CDH22: variants seen among roughly 807,000 people sequenced by gnomAD.
CDH22 encodes cadherin 22.
A neutral mutation model predicts 58.4 loss-of-function variants in CDH22; 30 were observed. The observed-to-expected ratio is 0.51, with a 90% CI of 0.38 to 0.70. CDH22 has a LOEUF of 0.70. Ranked by LOEUF, CDH22 falls within the 30% of genes least tolerant of loss-of-function variation. CDH22 has a pLI of 0.00. For synonymous variants in CDH22, 513 were observed against 558.2 expected (o/e 0.92, Z 1.14); for missense variants, 1,014 against 1,233.9 (o/e 0.82, Z 2.67).
At chr20:46,294,285 G>T (rs1178524114) in intron 1 of CDH22, among the ~76,000 whole-genome samples, 2 of 152,128 alleles carry the variant, frequency 1.3e-5, no homozygotes, top group Non-Finnish European at 2.9e-5. Context: ...AAACGAAGTG[G>T]GTTCTGTTCT....
At chr20:46,237,583 T>C (rs2086262206) in intron 3 of CDH22, among the ~76,000 whole-genome samples, 1 of 152,218 alleles carries the variant, frequency 6.6e-6, no homozygotes, top group Non-Finnish European at 1.5e-5. Flanking sequence ...AATAAACTAA[T>C]TTAATTTCTG....
At chr20:46,178,255 C>T (rs970139847) in intron 10 of CDH22, 58 bp from the exon 11 acceptor site, 47 of 1,569,568 alleles carry the variant, frequency 3.0e-5, no homozygotes, top group Non-Finnish European at 3.6e-5. Context: ...CATCCTTGTC[C>T]TAGCCACCTC....
At chr20:46,197,215 T>C (rs904738935) in intron 8 of CDH22, among the ~76,000 whole-genome samples, 5 of 151,976 alleles carry the variant, frequency 3.3e-5, no homozygotes, top group Admixed American at 1.3e-4. Context: ...AAGCCTCAAT[T>C]TTCCCATCAG....
At chr20:46,295,511 C>T (rs187170133) in intron 1 of CDH22, among the ~76,000 whole-genome samples, 36 of 152,292 alleles carry the variant, frequency 2.4e-4, no homozygotes, top group Admixed American at 6.5e-4. Flanking sequence ...AAGCCTGTAA[C>T]GCAGCTACTG....
chr20:46,272,558 C>A (rs939275454), intron 1 of CDH22, among the ~76,000 whole-genome samples: 1 of 152,146 alleles, frequency 6.6e-6, no homozygotes, highest in African/African-American at 2.4e-5. Context: ...GAAGGAAGCA[C>A]GATGACTGAG....
chr20:46,265,135 G>A lies in CDH22; in HGVS notation c.-399-13442C>T, dbSNP rs1274682867. Among the ~76,000 whole-genome samples, 3 of 152,192 alleles carry A rather than the reference G, an allele frequency of 2.0e-5. No homozygotes were observed. The East Asian group carries it at 5.8e-4, about 29-fold the overall frequency. ...TGCTGTTTTACACCGCGCCCTGTCA[G>A]AACTCACTGCAGCCCAGTGATCAGG... On this transcript the variant is annotated intron_variant, in intron 1 of 11. Transcript: ENST00000537909.
intron 8 of CDH22, among the ~76,000 whole-genome samples, chr20:46,193,796 C>T (rs1464512711): frequency 6.6e-6 from 1 of 152,106 alleles, no homozygotes; most frequent in Non-Finnish European, 1.5e-5. Context: ...CCCCTTTCTG[C>T]CTGGAACACC....
intron 7 of CDH22, among the ~76,000 whole-genome samples, chr20:46,203,346 C>T (rs1261387645): frequency 1.3e-5 from 2 of 151,236 alleles, no homozygotes; most frequent in Non-Finnish European, 2.9e-5. Context: ...GGGGTGGGGG[C>T]GAAGCTTGTG....
rs2085724662 is a variant in CDH22 at position 46,174,799 on chromosome 20, A to C, written c.2194T>G (p.Ser732Ala). The part of the protein sequence containing the change: ...PQAHLPSERH[S>A]LPQGPPSPEP... Reference sequence around the variant, plus strand: ...GGGCTCGGCGGCCCCTGCGGCAGCGAGTGGCGCTCGGAGGGCAGGTGGGCC... The same window carrying C: ...GGGCTCGGCGGCCCCTGCGGCAGCGCGTGGCGCTCGGAGGGCAGGTGGGCC... The change falls in exon 12 of 12, where the codon TCG becomes GCG. Residue 732 changes from serine (S) to alanine (A), a missense_variant. Physicochemically the swap from Ser to Ala is moderately conservative, Grantham distance 99. Around this residue, in one of 2 missense-constraint regions of CDH22, gnomAD observed 208 missense variants for 195.2 expected, o/e 1.07. Transcript: ENST00000537909. This position sits in a 1 kb window ranked among gnomAD's most constrained non-coding sequence, Gnocchi z 4.4. The C allele has an allele frequency of 2.0e-6, 3 of 1,491,426 alleles. No homozygotes were observed. The East Asian group carries it at 8.5e-5, about 42-fold the overall frequency. 92.4% of individuals were successfully genotyped at this position (1,491,426 alleles called of 1,614,324 possible).
chr20:46,213,122 T>A lies in CDH22; in HGVS notation c.905A>T (p.Glu302Val). Residue 302 changes from glutamate (E) to valine (V), a missense_variant, in exon 6 of 12, where the codon GAG (glutamate) becomes GTG (valine). By Grantham distance (121) the Glu-to-Val change is moderately radical. This residue lies in a region of CDH22 where 806 missense variants were observed against 1,038.7 expected (regional missense o/e 0.78). Transcript: ENST00000537909. ...TGTGTTCTCTCCCACGTCTGAGTCC[T>A]CAGCCTTCACACGTCCCACAGCCGT... ...IGTAVGRVKA[E>V]DSDVGENTDM... The A allele has an allele frequency of 6.2e-7, 1 of 1,614,210 alleles. No homozygotes were observed. The highest frequency in any genetic ancestry group is 1.1e-5 in the South Asian group (1 of 91,086).
At chr20:46,219,736 T>C (rs1021286449) in intron 4 of CDH22, 2 of 152,232 alleles carry the variant, frequency 1.3e-5, no homozygotes, top group South Asian at 4.1e-4. Flanking sequence ...TCTAATCACC[T>C]TAGGTGAATT....
At chr20:46,303,334 C>T (rs940926183) in intron 1 of CDH22, among the ~76,000 whole-genome samples, 1 of 152,186 alleles carries the variant, frequency 6.6e-6, no homozygotes, top group Non-Finnish European at 1.5e-5. Context: ...AACTGCGAGA[C>T]AGCCTGCAGG....
intron 8 of CDH22, among the ~76,000 whole-genome samples, chr20:46,189,792 G>C (rs1175820373): frequency 6.6e-6 from 1 of 152,186 alleles, no homozygotes; most frequent in Non-Finnish European, 1.5e-5. Flanking sequence ...CCTGAATTTA[G>C]GGCTGGCATG....
chr20:46,218,180 T>A (rs1440881973), intron 4 of CDH22, among the ~76,000 whole-genome samples: 1 of 152,190 alleles, frequency 6.6e-6, no homozygotes, highest in Admixed American at 6.5e-5. Flanking sequence ...TGCCTCAGCC[T>A]CCCAAAGTGC....
At chr20:46,199,609 A>G (rs750422787) in intron 7 of CDH22, 50 bp from the exon 8 acceptor site, 1 of 1,591,868 alleles carries the variant, frequency 6.3e-7, no homozygotes, top group Non-Finnish European at 8.6e-7. Context: ...TGCCAAATGG[A>G]GCCCATGTCC....
intron 5 of CDH22, among the ~76,000 whole-genome samples, chr20:46,215,234 C>T (rs940429840): frequency 2.2e-4 from 34 of 152,202 alleles, no homozygotes; most frequent in Admixed American, 4.6e-4. Context: ...CAGTCTCCTT[C>T]CCAATGGCCC....
chr20:46,273,490 G>A (rs753605167), intron 1 of CDH22, among the ~76,000 whole-genome samples: 1 of 152,142 alleles, frequency 6.6e-6, no homozygotes, highest in East Asian at 1.9e-4. Context: ...ATGGCACATC[G>A]TTATGGCTCA....
At chr20:46,198,287 G>GACACACACACACACAC (rs368091518) in intron 8 of CDH22, among the ~76,000 whole-genome samples, 3 of 128,632 alleles carry the variant, frequency 2.3e-5, no homozygotes, top group Admixed American at 7.9e-5. Flanking sequence ...GCACCAAAAA[G>GACACACACACACACAC]ACACACACAC....
chr20:46,255,569 C>G (rs1456090753), intron 1 of CDH22, among the ~76,000 whole-genome samples: 2 of 152,162 alleles, frequency 1.3e-5, no homozygotes, highest in East Asian at 3.9e-4. Flanking sequence ...CCCATCCTCA[C>G]CTCTCCCTCC....
Sources: gnomAD v4.1 joint callset for allele counts (sites outside exome capture counted in the v4.1 genomes callset) on GRCh38, gnomAD v4.1.1 for gene constraint, gnomAD v4.1.1 regional missense constraint, Gnocchi (gnomAD v3.1) non-coding constraint, MANE v1.5 for transcripts, NCBI Gene and HGNC (gene_info 2026-07-23, HGNC 2026-07-21) for gene names.